Variants in TUSC3 observed in about 807,000 individuals in gnomAD.
The protein encoded by TUSC3 is dolichyl-diphosphooligosaccharide--protein glycosyltransferase subunit TUSC3.
In TUSC3, 45 loss-of-function variants were observed where a neutral mutation model predicts 44.8. That is an observed-to-expected ratio of 1.00 (90% CI 0.79 to 1.29). The LOEUF (loss-of-function observed/expected upper bound fraction) is 1.29, where lower values mean the gene tolerates loss of function less well. TUSC3 is among the 50% of genes most tolerant of loss of function. TUSC3 has a pLI of 0.00. For synonymous variants in TUSC3, 212 were observed against 152.9 expected, an observed-to-expected ratio of 1.39 and a Z score of -2.85; for missense variants, 519 against 437.9, an observed-to-expected ratio of 1.19 and a Z score of -1.65.
At chr8:15,742,408 C>T (rs1173031217) in intron 7 of TUSC3, among the ~76,000 whole-genome samples, 1 of 151,984 alleles carries the variant, frequency 6.6e-6, no homozygotes, top group Non-Finnish European at 1.5e-5. Flanking sequence ...TATCCTTATC[C>T]AGAAGTTGGA....
At chr8:15,570,096 C>G (rs982331367) in intron 1 of TUSC3, among the ~76,000 whole-genome samples, 6 of 152,204 alleles carry the variant, frequency 3.9e-5, no homozygotes, top group African/African-American at 1.2e-4. Context: ...CACATTATTA[C>G]TACTCTTGGT....
At chr8:15,576,345 A>T (rs1452822141) in intron 1 of TUSC3, among the ~76,000 whole-genome samples, 2 of 135,944 alleles carry the variant, frequency 1.5e-5, no homozygotes, top group Non-Finnish European at 3.1e-5. Flanking sequence ...GTTTTAGGGT[A>T]CATGTGCACA....
chr8:15,433,143 T>C (rs1329747601), intron 1 of TUSC3, among the ~76,000 whole-genome samples: 4 of 152,120 alleles, frequency 2.6e-5, no homozygotes, highest in African/African-American at 9.7e-5. Context: ...TTGTTTCAGA[T>C]TTTTATTATA....
intron 1 of TUSC3, among the ~76,000 whole-genome samples, chr8:15,621,671 A>G (rs1050532440): frequency 4.0e-5 from 6 of 148,736 alleles, no homozygotes; most frequent in African/African-American, 7.3e-5. Context: ...ATATATTTTT[A>G]TATATAAATC....
At chr8:15,781,985 T>G in the TUSC3 span, among the ~76,000 whole-genome samples, 1 of 152,210 alleles carries the variant, frequency 6.6e-6, no homozygotes, top group East Asian at 1.9e-4. Flanking sequence ...AATACAAAAA[T>G]TAGCTGGATG....
At chr8:15,583,011 TCAA>T (rs945550378) in intron 1 of TUSC3, among the ~76,000 whole-genome samples, 1 of 152,196 alleles carries the variant, frequency 6.6e-6, no homozygotes, top group African/African-American at 2.4e-5. Context: ...TATTTTGATT[TCAA>T]CAACATGTAA....
At chr8:15,598,683 G>A (rs1010997116) in intron 1 of TUSC3, among the ~76,000 whole-genome samples, 21 of 151,690 alleles carry the variant, frequency 1.4e-4, no homozygotes, top group African/African-American at 5.1e-4. Flanking sequence ...CATAAAGTTG[G>A]AATCATACAG....
At chr8:15,448,487 T>C (rs566636162) in intron 1 of TUSC3, among the ~76,000 whole-genome samples, 79 of 152,250 alleles carry the variant, frequency 5.2e-4, no homozygotes, top group African/African-American at 1.9e-3. Flanking sequence ...GATTTTACCC[T>C]TTCACAGATG....
chr8:15,845,842 C>T, the TUSC3 span, among the ~76,000 whole-genome samples: 1 of 152,070 alleles, frequency 6.6e-6, no homozygotes, highest in Admixed American at 6.6e-5. Context: ...TACAAAACTG[C>T]TGTACTGGTC....
intron 1 of TUSC3, among the ~76,000 whole-genome samples, chr8:15,571,894 C>G (rs1008260042): frequency 1.4e-4 from 22 of 152,220 alleles, no homozygotes; most frequent in African/African-American, 4.8e-4. Context: ...GGTCTTAATA[C>G]TGGGCTTCAA....
chr8:15,776,117 T>G, the TUSC3 span, among the ~76,000 whole-genome samples: 2 of 152,116 alleles, frequency 1.3e-5, no homozygotes, highest in Non-Finnish European at 2.9e-5. Flanking sequence ...GAGAGGGTAG[T>G]AGCCTTGAAT....
intron 1 of TUSC3, among the ~76,000 whole-genome samples, chr8:15,425,547 C>G: frequency 6.6e-6 from 1 of 152,020 alleles, no homozygotes; most frequent in Admixed American, 6.6e-5. Flanking sequence ...CCTGAAAAAC[C>G]CTTTGTTCTG....
chr8:15,759,195 C>G (rs2129223692), intron 10 of TUSC3, among the ~76,000 whole-genome samples: 1 of 152,136 alleles, frequency 6.6e-6, no homozygotes. Context: ...CAACCCAGAC[C>G]TTTTTTCCCG....
At chr8:15,800,801 G>A in the TUSC3 span, among the ~76,000 whole-genome samples, 1 of 152,182 alleles carries the variant, frequency 6.6e-6, no homozygotes, top group East Asian at 1.9e-4. Context: ...CAAGAAATAT[G>A]CAACATGTTC....
chr8:15,477,619 G>A lies in TUSC3; in HGVS notation n.92-5767G>A, dbSNP rs11782066. ...TGGCTGTAGTCCCAGCTACTTGGGAGGCTGAGGTAGGAGAATGGCGTGAAC... is the reference window on the plus strand; with the variant it reads ...TGGCTGTAGTCCCAGCTACTTGGGAAGCTGAGGTAGGAGAATGGCGTGAAC... On this transcript the variant is annotated intron_variant and non_coding_transcript_variant, in intron 1 of 5. Coordinates refer to the TUSC3 transcript ENST00000503191. 4.6e-3 allele frequency among the ~76,000 whole-genome samples: 694 copies of A among 152,180 alleles called. 1 individual carries two copies. Among genetic ancestry groups the A allele is most frequent in the Non-Finnish European group, 7.7e-3 (525 of 68,026 alleles).
At chr8:15,616,412 T>C (rs1402636595) in intron 1 of TUSC3, among the ~76,000 whole-genome samples, 2 of 152,116 alleles carry the variant, frequency 1.3e-5, no homozygotes, top group Middle Eastern at 3.2e-3. Flanking sequence ...ACTCCGTTTT[T>C]ACTAAAAATA....
intron 2 of TUSC3, among the ~76,000 whole-genome samples, chr8:15,625,041 T>C (rs908402099): frequency 6.6e-6 from 1 of 152,192 alleles, no homozygotes; most frequent in Non-Finnish European, 1.5e-5. Context: ...TCTATATTCC[T>C]AGTTTGCTGA....
At chr8:15,464,160 A>T (rs754968564) in intron 1 of TUSC3, among the ~76,000 whole-genome samples, 4 of 152,210 alleles carry the variant, frequency 2.6e-5, no homozygotes, top group Non-Finnish European at 4.4e-5. Flanking sequence ...TGATTCTTCC[A>T]GGTAAGATCC....
intron 2 of TUSC3, among the ~76,000 whole-genome samples, chr8:15,642,719 T>A (rs1806433293): frequency 6.6e-6 from 1 of 152,160 alleles, no homozygotes; most frequent in Non-Finnish European, 1.5e-5. Context: ...TAACAGATAT[T>A]TTTTGAGTAT....
Sources: allele counts gnomAD v4.1 joint callset (sites outside exome capture counted in the v4.1 genomes callset), GRCh38; gene constraint gnomAD v4.1.1; transcripts MANE v1.5; gene names NCBI Gene and HGNC (gene_info 2026-07-23, HGNC 2026-07-21).